Variants in DMPK observed in about 807,000 individuals in gnomAD.
The protein encoded by DMPK is myotonin-protein kinase.
Under a neutral mutation model 70.3 loss-of-function variants are expected in DMPK, and 32 were observed. The ratio of observed to expected loss-of-function variants is 0.46; its 90% CI spans 0.34 to 0.61. The LOEUF is 0.61. DMPK is among the 20% of genes least tolerant of loss of function. DMPK has a pLI of 0.01. For synonymous variants in DMPK, 469 were observed against 390.9 expected (o/e 1.20, Z -2.36); for missense variants, 899 against 886.0 (o/e 1.01, Z -0.19).
At position 45,777,367 on chromosome 19, in the gene DMPK, A is replaced by G; in HGVS notation, c.1106T>C (p.Leu369Ser). ...EGATDTCNFDLVEDGLTAMVS... is the reference protein window; with the variant it reads ...EGATDTCNFDSVEDGLTAMVS... ...CATGGCAGTGAGCCCGTCCTCCACC[A>G]AGTCGAAGTTGCATGTGTCGGTGGC... Residue 369 changes from leucine to serine, a missense_variant, in exon 8 of 15, where the codon TTG (leucine) becomes TCG (serine). This residue lies in a region of DMPK where 555 missense variants were observed against 483.8 expected (regional missense o/e 1.15). Coordinates refer to ENST00000291270, the MANE Select transcript of DMPK (RefSeq NM_004409.5). This position sits in a 1 kb window ranked among gnomAD's most constrained non-coding sequence, Gnocchi z 6.7. 5.0e-6 allele frequency: 8 copies of G among 1,604,324 alleles called. No homozygotes were observed. The highest frequency in any genetic ancestry group is 6.8e-6 in the Non-Finnish European group (8 of 1,174,004).
intron 14 of DMPK, 105 bp downstream of exon 14, chr19:45,770,866 T>C: frequency 9.6e-7 from 1 of 1,038,840 alleles, no homozygotes; most frequent in Non-Finnish European, 1.3e-6. Flanking sequence ...AGATCCGCCC[T>C]CCTGCCGTGG....
At chr19:45,776,585 T>C (rs1969785595) in intron 8 of DMPK, 1 of 153,598 alleles carries the variant, frequency 6.5e-6, no homozygotes, top group Non-Finnish European at 1.5e-5. Context: ...GCCACCCTAG[T>C]AGCTGAGTAT....
rs1374926559 is a variant in DMPK at position 45,770,907 on chromosome 19, G to GT, written c.1737+63dup. ...GCCCCGCAAATGCGCAGCTAAGCGG[G>GT]TGGCAAGGGGCGGGTGGAGCGCGGG... On this transcript the variant is annotated intron_variant, in intron 14 of 14. Transcript: ENST00000291270. 3.2e-6 allele frequency: 4 copies of GT among 1,231,202 alleles called. No individual in the cohort carries two copies. In the African/African-American group the frequency reaches 6.3e-5, roughly 19 times the overall value. The allele number at this position is 1,231,202 out of a possible 1,614,324, so 76.3% of individuals were successfully genotyped here.
rs538725672 is a variant in DMPK at position 45,771,050 on chromosome 19, G to A, written c.1658C>T (p.Pro553Leu). 1.6e-5 allele frequency: 25 copies of A among 1,519,350 alleles called. No individual in the cohort carries two copies. The South Asian group carries it at 1.9e-4, about 11-fold the overall frequency. 94.1% of individuals were successfully genotyped at this position (1,519,350 alleles called of 1,614,324 possible). A position where few individuals can be genotyped will look rare whatever the true frequency, so the allele number is the denominator to read the frequency against. Residue 553 changes from proline to leucine, a missense_variant, in exon 14 of 15, where the codon CCC (proline) becomes CTC (leucine). Around this residue, in one of 3 missense-constraint regions of DMPK, gnomAD observed 555 missense variants for 483.8 expected, o/e 1.15. Transcript: ENST00000291270. The stretch of plus-strand genomic sequence containing the variant: ...GCACTGGCCCACAGCCACGGCCGGG[G>A]GGCCATCTAGCTGGAGAGAGAAGGG... ...ATDPPSHLDG[P>L]PAVAVGQCPL...
intron 1 of DMPK, among the ~76,000 whole-genome samples, chr19:45,780,949 C>T (rs558149662): frequency 6.6e-6 from 1 of 152,214 alleles, no homozygotes; most frequent in African/African-American, 2.4e-5. Context: ...CTACCCCACC[C>T]GGTCTCAGTT....
intron 10 of DMPK, 67 bp from the exon 11 acceptor site, chr19:45,771,995 T>G: frequency 6.8e-7 from 1 of 1,478,322 alleles, no homozygotes. Flanking sequence ...GGGCACTGGT[T>G]CCAGGCTAGG....
In DMPK at chr19:45,771,030, G is replaced by A. The variant is rs954731550; in HGVS notation, c.1678C>T (p.Gln560Ter). ...GGGCCTGGCCCCACCAGCGGGCACT[G>A]GCCCACAGCCACGGCCGGGGGGCCA... ...LDGPPAVAVG[Q>*]CPLVGPGPMH... The change falls in exon 14 of 15, where the codon CAG becomes TAG. Residue 560 changes from glutamine (Q) to a stop codon, truncating the protein, a stop_gained. Transcript: ENST00000291270. LOFTEE classifies it high-confidence loss of function. 1.5e-5 allele frequency: 23 copies of A among 1,498,192 alleles called. No homozygotes were observed. The highest frequency in any genetic ancestry group is 3.6e-4 in the Middle Eastern group (2 of 5,574). 92.8% of individuals were successfully genotyped at this position (1,498,192 alleles called of 1,614,324 possible).
chr19:45,770,763 C>G (rs1272332621), intron 14 of DMPK, 123 bp from the exon 15 acceptor site: 15 of 1,204,198 alleles, frequency 1.2e-5, no homozygotes, highest in Non-Finnish European at 1.6e-5. Flanking sequence ...CCCCAACAGC[C>G]TACAGCTGTT....
intron 13 of DMPK, 101 bp downstream of exon 13, chr19:45,771,249 C>G: frequency 1.4e-6 from 2 of 1,466,828 alleles, no homozygotes; most frequent in East Asian, 2.3e-5. Context: ...GTCGCAAAGA[C>G]GTAGGGTGAG....
At chr19:45,776,289 G>A (rs1184679156) in intron 8 of DMPK, among the ~76,000 whole-genome samples, 2 of 103,060 alleles carry the variant, frequency 1.9e-5, no homozygotes, top group Admixed American at 1.3e-4. Flanking sequence ...GACTACAGGC[G>A]CCCGCCACCA....
chr19:45,772,441 C>G (rs1287401737), intron 10 of DMPK, 200 bp downstream of exon 10: 1 of 466,134 alleles, frequency 2.1e-6, no homozygotes, highest in Admixed American at 4.4e-5. Flanking sequence ...AGATCCCCAG[C>G]AACACACACA....
intron 5 of DMPK, 114 bp downstream of exon 5, chr19:45,778,379 G>C: frequency 1.4e-6 from 2 of 1,431,258 alleles, no homozygotes; most frequent in East Asian, 4.8e-5. Flanking sequence ...GGCACCCCCC[G>C]GTGGGCCCCA....
chr19:45,780,262 C>T, intron 1 of DMPK: 2 of 1,504,516 alleles, frequency 1.3e-6, no homozygotes, highest in African/African-American at 1.4e-5. Context: ...AGGGCCCCAC[C>T]CCCACGTTCT....
intron 1 of DMPK, 88 bp downstream of exon 1, chr19:45,782,105 C>CT (rs200538327): frequency 1.7e-6 from 1 of 600,328 alleles, no homozygotes; most frequent in Non-Finnish European, 2.4e-6. Flanking sequence ...TGCCATCCTG[C>CT]CCCCCCAACA....
At chr19:45,774,196 C>A (rs1006570718) in intron 9 of DMPK, among the ~76,000 whole-genome samples, 1 of 151,872 alleles carries the variant, frequency 6.6e-6, no homozygotes, top group East Asian at 1.9e-4. Flanking sequence ...AGGTGATCCA[C>A]CCACCTCATC....
intron 14 of DMPK, 53 bp downstream of exon 14, chr19:45,770,918 C>T (rs990269340): frequency 2.4e-6 from 3 of 1,269,748 alleles, no homozygotes; most frequent in Non-Finnish European, 3.1e-6. Context: ...TGGCAAGGGG[C>T]GGGTGGAGCG....
rs889345346 is a variant in DMPK, at chr19:45,778,075, T to C, written c.675+52A>G. On this transcript the variant is annotated intron_variant, in intron 6 of 14. Transcript: ENST00000291270. ...AGTCCCGCTCCCACACTCTGTGCCT[T>C]CCATCCCTCATCAGCAGCCCCAGTT... 8 of 1,473,140 alleles carry C rather than the reference T, an allele frequency of 5.4e-6. No homozygotes were observed. The African/African-American group carries it at 9.8e-5, about 18-fold the overall frequency. 91.3% of individuals were successfully genotyped at this position (1,473,140 alleles called of 1,614,324 possible).
chr19:45,771,903 A>G lies in DMPK; in HGVS notation c.1370T>C (p.Val457Ala). 6.3e-7 allele frequency: 1 copy of G among 1,596,084 alleles called. No homozygotes were observed. Among genetic ancestry groups the G allele is most frequent in the East Asian group, 2.3e-5 (1 of 43,894 alleles). ...CTCGGCCTCAGCCTCTGCCGCAGGG[A>G]CAGCCGCTGGAACTGCCACTTCAGC... ...ETAEVAVPAA[V>A]PAAEAEAEVT... The change falls in exon 11 of 15, where the codon GTC becomes GCC. Residue 457 changes from valine to alanine, a missense_variant. Coordinates refer to ENST00000291270, the MANE Select transcript of DMPK (RefSeq NM_004409.5).
chr19:45,772,402 C>T (rs1600420034), intron 10 of DMPK: 2 of 420,500 alleles, frequency 4.8e-6, no homozygotes, highest in East Asian at 4.6e-5. Context: ...TTCTCCTTCA[C>T]CAGCGCTCAG....
Sources: allele counts gnomAD v4.1 joint callset (sites outside exome capture counted in the v4.1 genomes callset), GRCh38; gene constraint gnomAD v4.1.1; regional missense constraint gnomAD v4.1.1; non-coding constraint Gnocchi (gnomAD v3.1); transcripts MANE v1.5; gene names NCBI Gene and HGNC (gene_info 2026-07-23, HGNC 2026-07-21).